Variants in ZBTB16 observed in about 807,000 individuals in gnomAD.
ZBTB16 encodes the protein zinc finger and BTB domain containing 16.
A neutral mutation model predicts 56.8 loss-of-function variants in ZBTB16; 8 were observed. The observed-to-expected ratio is 0.14, with a 90% CI of 0.08 to 0.25. The LOEUF is 0.25. Ranked by LOEUF, ZBTB16 falls within the 10% of genes least tolerant of loss-of-function variation. The pLI is 1.00. For missense variants in ZBTB16, 625 were observed against 903.0 expected, an observed-to-expected ratio of 0.69 and a Z score of 3.95; for synonymous variants, 363 against 368.5, an observed-to-expected ratio of 0.98 and a Z score of 0.17.
intron 2 of ZBTB16, among the ~76,000 whole-genome samples, chr11:114,114,108 C>T (rs1225559398): frequency 7.2e-5 from 11 of 152,112 alleles, no homozygotes; most frequent in East Asian, 1.9e-4. Context: ...GATTTATTTT[C>T]GGGAAATAAG....
At chr11:114,115,242 T>C (rs941528938) in intron 2 of ZBTB16, among the ~76,000 whole-genome samples, 4 of 152,114 alleles carry the variant, frequency 2.6e-5, no homozygotes, top group African/African-American at 9.7e-5. Flanking sequence ...GGACGGTGTA[T>C]GTCCTCCAGC....
chr11:114,241,626 A>C (rs1288548351), intron 4 of ZBTB16, among the ~76,000 whole-genome samples: 2 of 152,188 alleles, frequency 1.3e-5, no homozygotes, highest in Non-Finnish European at 2.9e-5. Flanking sequence ...AATGTTGGGG[A>C]CCACTGCTCT....
chr11:114,126,208 A>G lies in ZBTB16; in HGVS notation c.1269-30129A>G, dbSNP rs80110616. On this transcript the variant is annotated intron_variant, in intron 2 of 6. Coordinates refer to ENST00000335953, the MANE Select transcript of ZBTB16 (RefSeq NM_006006.6). ...CATTTCTTTTGCCCAGGCGTGGATA[A>G]TGCTTTTGTCTAATGCCAGCTCTGC... Among the ~76,000 whole-genome samples the G allele has an allele frequency of 2.8e-4, 43 of 152,296 alleles. No individual in the cohort carries two copies. In the East Asian group the frequency reaches 7.3e-3, roughly 26 times the overall value.
At chr11:114,125,778 A>T (rs992192280) in intron 2 of ZBTB16, among the ~76,000 whole-genome samples, 1 of 151,988 alleles carries the variant, frequency 6.6e-6, no homozygotes, top group African/African-American at 2.4e-5. Context: ...CTTGCTTTAG[A>T]CCTTTTTCGT....
At position 114,096,495 on chromosome 11, in the gene ZBTB16, C is replaced by T. The variant is rs532780429; in HGVS notation, c.1268+31927C>T. ...CAGCATGCTGGTTTTCATGTGCTGC[C>T]TCGTACAGTAAGTCCCCAGCAGATT... On this transcript the variant is annotated intron_variant, in intron 2 of 6. Coordinates refer to ENST00000335953, the MANE Select transcript of ZBTB16 (RefSeq NM_006006.6). Among the ~76,000 whole-genome samples the T allele has an allele frequency of 5.3e-5, 8 of 152,264 alleles. No homozygotes were observed. In the East Asian group the frequency reaches 1.5e-3, roughly 29 times the overall value.
intron 4 of ZBTB16, among the ~76,000 whole-genome samples, chr11:114,202,657 C>T (rs1163418018): frequency 1.3e-5 from 2 of 152,180 alleles, no homozygotes; most frequent in Non-Finnish European, 2.9e-5. Flanking sequence ...AGAAAAGCGG[C>T]TTAAATATTT....
chr11:114,235,383 A>C (rs891650841), intron 4 of ZBTB16, among the ~76,000 whole-genome samples: 2 of 152,266 alleles, frequency 1.3e-5, no homozygotes, highest in Admixed American at 1.3e-4. Flanking sequence ...TGCTCCAAGA[A>C]GGTGTAGCAC....
intron 4 of ZBTB16, among the ~76,000 whole-genome samples, chr11:114,240,268 C>G (rs181702337): frequency 6.6e-6 from 1 of 152,304 alleles, no homozygotes; most frequent in Admixed American, 6.5e-5. Context: ...ACTAGTCCAT[C>G]CTAACCCAGC....
intron 3 of ZBTB16, among the ~76,000 whole-genome samples, chr11:114,178,369 ACT>A (rs1175285325): frequency 1.3e-5 from 2 of 152,094 alleles, no homozygotes; most frequent in African/African-American, 4.8e-5. Flanking sequence ...TGGCATAAAC[ACT>A]CTGAGCCCAG....
intron 2 of ZBTB16, among the ~76,000 whole-genome samples, chr11:114,102,503 A>G (rs544305960): frequency 1.3e-4 from 20 of 152,262 alleles, no homozygotes; most frequent in African/African-American, 4.6e-4. Context: ...GGGAGGAGGT[A>G]GAATCAGTTG....
intron 4 of ZBTB16, among the ~76,000 whole-genome samples, chr11:114,209,014 G>T (rs977095623): frequency 1.1e-4 from 17 of 152,324 alleles, no homozygotes; most frequent in Admixed American, 4.6e-4. Context: ...TAATTCCCTT[G>T]TAAATCTCAT....
intron 2 of ZBTB16, among the ~76,000 whole-genome samples, chr11:114,091,894 C>T (rs1384727246): frequency 6.6e-6 from 1 of 152,146 alleles, no homozygotes; most frequent in African/African-American, 2.4e-5. Flanking sequence ...ACCATTTAAA[C>T]AAGTGCTTTG....
chr11:114,185,589 T>A (rs1055068724), intron 3 of ZBTB16, among the ~76,000 whole-genome samples: 1 of 152,214 alleles, frequency 6.6e-6, no homozygotes, highest in Admixed American at 6.5e-5. Flanking sequence ...AACCTGCATC[T>A]GTTGAGTAGA....
intron 4 of ZBTB16, among the ~76,000 whole-genome samples, chr11:114,230,191 C>T (rs980131379): frequency 2.0e-5 from 3 of 152,146 alleles, no homozygotes; most frequent in African/African-American, 4.8e-5. Context: ...GGCAAAACAA[C>T]CTCTGTCCTT....
In ZBTB16 at chr11:114,059,711, A is replaced by G; in HGVS notation, c.-262A>G. Reference sequence around the variant, plus strand: ...GCCGGTGGTGATTTGCTAACCTCGCAGCAGAGAGGAGTTGAGGGCGATGAG... The same window carrying G: ...GCCGGTGGTGATTTGCTAACCTCGCGGCAGAGAGGAGTTGAGGGCGATGAG... On this transcript the variant is annotated 5_prime_UTR_variant, in exon 1 of 7. Transcript: ENST00000335953. This position sits in a 1 kb window ranked among gnomAD's most constrained non-coding sequence, Gnocchi z 5.3. 1 of 398,374 alleles carries G rather than the reference A, an allele frequency of 2.5e-6. No homozygotes were observed. The highest frequency in any genetic ancestry group is 1.3e-4 in the South Asian group (1 of 7,864). 24.7% of individuals were successfully genotyped at this position (398,374 alleles called of 1,614,324 possible).
chr11:114,095,958 T>C (rs1940391394), intron 2 of ZBTB16, among the ~76,000 whole-genome samples: 1 of 152,242 alleles, frequency 6.6e-6, no homozygotes, highest in African/African-American at 2.4e-5. Context: ...CCCTGTAGGC[T>C]ATAATTAGTG....
chr11:114,185,138 G>C (rs1379438565), intron 3 of ZBTB16, among the ~76,000 whole-genome samples: 1 of 152,164 alleles, frequency 6.6e-6, no homozygotes, highest in Non-Finnish European at 1.5e-5. Flanking sequence ...AAACTAGGAG[G>C]TTGAGGCTGC....
chr11:114,201,403 C>T (rs768039775), intron 4 of ZBTB16, among the ~76,000 whole-genome samples: 4 of 152,086 alleles, frequency 2.6e-5, no homozygotes, highest in Admixed American at 6.6e-5. Flanking sequence ...CTGAGGAATC[C>T]GGGGACCAGT....
In ZBTB16 at chr11:114,253,663, T is replaced by C. The variant is rs907298987; in HGVS notation, c.*3108T>C. ...GAGGGCTACTGTCTGGGGACACCTC[T>C]GAACTTACTGTACCTTCCTCTCCCC... On this transcript the variant is annotated 3_prime_UTR_variant, in exon 7 of 7. Coordinates refer to ENST00000335953, the MANE Select transcript of ZBTB16 (RefSeq NM_006006.6). Among the ~76,000 whole-genome samples, 1 of 152,216 alleles carries C rather than the reference T, an allele frequency of 6.6e-6. No homozygotes were observed. The highest frequency in any genetic ancestry group is 2.4e-5 in the African/African-American group (1 of 41,446).
Sources: allele counts gnomAD v4.1 joint callset (sites outside exome capture counted in the v4.1 genomes callset), GRCh38; gene constraint gnomAD v4.1.1; non-coding constraint Gnocchi (gnomAD v3.1); transcripts MANE v1.5; gene names NCBI Gene and HGNC (gene_info 2026-07-23, HGNC 2026-07-21).